Variants in OSBPL3 observed in about 807,000 individuals in gnomAD.
OSBPL3 encodes the protein oxysterol-binding protein-related protein 3.
In OSBPL3, 65 loss-of-function variants were observed where a neutral mutation model predicts 120.1. The ratio of observed to expected loss-of-function variants is 0.54; its 90% CI spans 0.44 to 0.67. OSBPL3 has a LOEUF of 0.67. OSBPL3 is among the 30% of genes least tolerant of loss of function. The probability of loss-of-function intolerance (pLI) is 0.00; values close to 1 mark genes in which losing one functional copy is unlikely to be tolerated. For synonymous variants in OSBPL3, 416 were observed against 402.6 expected (o/e 1.03, Z -0.40); for missense variants, 1,004 against 1,082.1 (o/e 0.93, Z 1.01).
intron 1 of OSBPL3, among the ~76,000 whole-genome samples, chr7:24,970,780 T>C (rs1304712026): frequency 6.6e-6 from 1 of 152,184 alleles, no homozygotes; most frequent in East Asian, 1.9e-4. Context: ...TTAGTGTGCA[T>C]CATAATCACC....
intron 1 of OSBPL3, among the ~76,000 whole-genome samples, chr7:24,979,257 A>G (rs935724003): frequency 1.3e-5 from 2 of 151,168 alleles, no homozygotes; most frequent in Non-Finnish European, 2.9e-5. Context: ...GTGAGCCTGA[A>G]GGTGATCTGA....
At chr7:24,917,427 T>TATATATATATATATATATATA (rs1562924912) in intron 1 of OSBPL3, among the ~76,000 whole-genome samples, 1 of 131,156 alleles carries the variant, frequency 7.6e-6, no homozygotes, top group Admixed American at 7.7e-5. Flanking sequence ...TATATATATA[T>TATATATATATATATATATATA]TTGTAACATA....
intron 1 of OSBPL3, among the ~76,000 whole-genome samples, chr7:24,902,887 GA>G (rs1160348962): frequency 1.3e-5 from 2 of 152,088 alleles, no homozygotes; most frequent in Non-Finnish European, 2.9e-5. Flanking sequence ...AGTAGCAAGA[GA>G]TGAGTATTTC....
rs769173367 is a variant in OSBPL3 at position 24,855,611 on chromosome 7, C to T, written c.1028-2977G>A. On this transcript the variant is annotated intron_variant, in intron 10 of 22. Transcript: ENST00000313367. The surrounding 1 kb of genome is among the most constrained non-coding windows in gnomAD (Gnocchi z 4.3). ...GGCCCACTCAGGACATTAAAATAGT[C>T]ATTCACAGCCACCTAATGATCTGCC... Among the ~76,000 whole-genome samples the T allele has an allele frequency of 3.3e-5, 5 of 152,088 alleles. No individual in the cohort carries two copies. The highest frequency in any genetic ancestry group is 7.4e-5 in the Non-Finnish European group (5 of 68,024).
At position 24,898,279 on chromosome 7, in the gene OSBPL3, T is replaced by C. The variant is rs894160824; in HGVS notation, c.-149-5658A>G. 6.6e-6 allele frequency among the ~76,000 whole-genome samples: 1 copy of C among 152,192 alleles called. No individual in the cohort carries two copies. The highest frequency in any genetic ancestry group is 2.4e-5 in the African/African-American group (1 of 41,454). On this transcript the variant is annotated intron_variant, in intron 1 of 22. Transcript: ENST00000313367. This position sits in a 1 kb window ranked among gnomAD's most constrained non-coding sequence, Gnocchi z 4.3. ...GATCGGTGATCCCGGACCTCTGAAG[T>C]GCTGTCCATGTGTCCGAACTATCTG...
chr7:24,880,877 GT>G (rs1803586810), intron 2 of OSBPL3, among the ~76,000 whole-genome samples: 1 of 152,092 alleles, frequency 6.6e-6, no homozygotes, highest in African/African-American at 2.4e-5. Context: ...ACCCAGGACT[GT>G]TTTAATATTT....
In OSBPL3 at chr7:24,834,255, C is replaced by T; in HGVS notation, c.1746+231G>A. The T allele has an allele frequency of 7.4e-7, 1 of 1,343,058 alleles. No individual in the cohort carries two copies. The highest frequency in any genetic ancestry group is 9.6e-7 in the Non-Finnish European group (1 of 1,038,420). 83.2% of individuals were successfully genotyped at this position (1,343,058 alleles called of 1,614,324 possible). On this transcript the variant is annotated intron_variant, in intron 15 of 22. Transcript: ENST00000313367. This position sits in a 1 kb window ranked among gnomAD's most constrained non-coding sequence, Gnocchi z 5.2. ...ACAAACCCACAGAACAGAACTACCC[C>T]AGGCACCAAGTGCCACGGAGAAGCA...
At position 24,796,636 on chromosome 7, in the gene OSBPL3, GGGT is replaced by G. The variant is rs1376337836; in HGVS notation, c.*3544_*3546del. On this transcript the variant is annotated 3_prime_UTR_variant, in exon 23 of 23. Coordinates refer to ENST00000313367, the MANE Select transcript of OSBPL3 (RefSeq NM_015550.4). This position sits in a 1 kb window ranked among gnomAD's most constrained non-coding sequence, Gnocchi z 5.2. ...TGGGGAGGCAGAGGTATGGATGGAA[GGGT>G]GGGATTAAAACAAAATAATTTTCAG... 6.6e-6 allele frequency: 1 copy of G among 152,202 alleles called. No homozygotes were observed. The highest frequency in any genetic ancestry group is 2.4e-5 in the African/African-American group (1 of 41,450). The allele number at this position is 152,202 out of a possible 1,614,324, so 9.4% of individuals were successfully genotyped here.
chr7:24,923,646 G>A (rs1265449765), intron 1 of OSBPL3, among the ~76,000 whole-genome samples: 1 of 152,214 alleles, frequency 6.6e-6, no homozygotes, highest in Non-Finnish European at 1.5e-5. Flanking sequence ...GAGGCACAGA[G>A]ACAGGCAGAC....
chr7:24,833,079 C>T lies in OSBPL3; in HGVS notation c.1746+1407G>A, dbSNP rs1409914393. 1.3e-5 allele frequency among the ~76,000 whole-genome samples: 2 copies of T among 152,222 alleles called. No homozygotes were observed. The highest frequency in any genetic ancestry group is 2.9e-5 in the Non-Finnish European group (2 of 68,038). ...CACAAATGCTGACTTTTAACACTTG[C>T]TTAGAAGCTATTTCTAGAAGATTTG... On this transcript the variant is annotated intron_variant, in intron 15 of 22. Coordinates refer to ENST00000313367, the MANE Select transcript of OSBPL3 (RefSeq NM_015550.4). This position sits in a 1 kb window ranked among gnomAD's most constrained non-coding sequence, Gnocchi z 4.4.
At position 24,804,764 on chromosome 7, in the gene OSBPL3, A is replaced by ATTCT. The variant is rs1792821154; in HGVS notation, c.2445-331_2445-328dup. On this transcript the variant is annotated intron_variant, in intron 21 of 22. Transcript: ENST00000313367. This position sits in a 1 kb window ranked among gnomAD's most constrained non-coding sequence, Gnocchi z 5.4. ...TAGTTTCCTCTGCATCCTTCTAGAG[A>ATTCT]TTCTTCATGTGTATATAAACAAATA... is the stretch of plus-strand genomic sequence containing the variant. 6.6e-6 allele frequency among the ~76,000 whole-genome samples: 1 copy of ATTCT among 152,102 alleles called. No homozygotes were observed. Among genetic ancestry groups the ATTCT allele is most frequent in the South Asian group, 2.1e-4 (1 of 4,820 alleles).
rs565119765 is a variant in OSBPL3 at position 24,877,432 on chromosome 7, T to C, written c.97-5363A>G. 2.0e-5 allele frequency among the ~76,000 whole-genome samples: 3 copies of C among 152,282 alleles called. No homozygotes were observed. In the East Asian group the frequency reaches 5.8e-4, roughly 29 times the overall value. ...TCATATTTGGAAAGCCTGCCCCATCTACCTCTTAGCCAGGTAAATTCTCAT... is the reference window on the plus strand; with the variant it reads ...TCATATTTGGAAAGCCTGCCCCATCCACCTCTTAGCCAGGTAAATTCTCAT... On this transcript the variant is annotated intron_variant, in intron 2 of 22. Coordinates refer to ENST00000313367, the MANE Select transcript of OSBPL3 (RefSeq NM_015550.4). The surrounding 1 kb of genome is among the most constrained non-coding windows in gnomAD (Gnocchi z 4.8).
intron 14 of OSBPL3, among the ~76,000 whole-genome samples, chr7:24,839,991 C>CAA (rs71675250): frequency 0.011 from 567 of 53,252 alleles, 42 homozygotes; most frequent in African/African-American, 0.041. Flanking sequence ...CTCCATCTCA[C>CAA]AAAAAAAAAA....
intron 1 of OSBPL3, among the ~76,000 whole-genome samples, chr7:24,951,433 A>C (rs895628558): frequency 5.3e-5 from 8 of 152,236 alleles, no homozygotes; most frequent in African/African-American, 1.7e-4. Flanking sequence ...CGAAAAATAA[A>C]TCACTGAATG....
At position 24,806,935 on chromosome 7, in the gene OSBPL3, T is replaced by G. The variant is rs114352466; in HGVS notation, c.2318-33A>C. On this transcript the variant is annotated intron_variant, in intron 20 of 22. Transcript: ENST00000313367. The surrounding 1 kb of genome is among the most constrained non-coding windows in gnomAD (Gnocchi z 5.2). ...GAAAATAAATCATTCACCCCTAACT[T>G]GCATGTTACTTATGTTACATTTTAA... 5,433 of 1,560,312 alleles carry G rather than the reference T, an allele frequency of 3.5e-3. 135 individuals are homozygous for G. In the African/African-American group the frequency reaches 0.059, roughly 17 times the overall value.
At chr7:24,950,639 A>G (rs948243931) in intron 1 of OSBPL3, among the ~76,000 whole-genome samples, 8 of 152,202 alleles carry the variant, frequency 5.3e-5, no homozygotes, top group African/African-American at 1.2e-4. Context: ...GGAGAATGGC[A>G]CGAACCCAAG....
rs1454378007 is a variant in OSBPL3, at chr7:24,862,213, C to G, written c.871-444G>C. ...GGTAGGTCTTTCTACTGAGTGATAACTTATTTTAAAAAATGAGAACTCAAG... is the reference window on the plus strand; with the variant it reads ...GGTAGGTCTTTCTACTGAGTGATAAGTTATTTTAAAAAATGAGAACTCAAG... On this transcript the variant is annotated intron_variant, in intron 9 of 22. Transcript: ENST00000313367. This position sits in a 1 kb window ranked among gnomAD's most constrained non-coding sequence, Gnocchi z 4.4. 6.6e-6 allele frequency among the ~76,000 whole-genome samples: 1 copy of G among 152,172 alleles called. No individual in the cohort carries two copies. Among genetic ancestry groups the G allele is most frequent in the African/African-American group, 2.4e-5 (1 of 41,438 alleles).
chr7:24,893,689 G>A (rs762187542), intron 1 of OSBPL3, among the ~76,000 whole-genome samples: 1 of 140,660 alleles, frequency 7.1e-6, no homozygotes, highest in Admixed American at 7.4e-5. Flanking sequence ...GTGGGTGCCT[G>A]TAATCCCAGC....
chr7:24,832,881 G>C (rs1796568625), intron 15 of OSBPL3, among the ~76,000 whole-genome samples: 1 of 152,170 alleles, frequency 6.6e-6, no homozygotes, highest in African/African-American at 2.4e-5. Context: ...TAAGACTCCT[G>C]CTTAGTGGTT....
Sources: allele counts gnomAD v4.1 joint callset (sites outside exome capture counted in the v4.1 genomes callset), GRCh38; gene constraint gnomAD v4.1.1; non-coding constraint Gnocchi (gnomAD v3.1); transcripts MANE v1.5; gene names NCBI Gene and HGNC (gene_info 2026-07-23, HGNC 2026-07-21).